NEDD4: variants seen among roughly 807,000 people sequenced by gnomAD.
NEDD4 encodes the protein E3 ubiquitin-protein ligase NEDD4.
In NEDD4, 99 loss-of-function variants were observed where a neutral mutation model predicts 144.9. The ratio of observed to expected loss-of-function variants is 0.68; its 90% CI spans 0.58 to 0.81. The LOEUF (loss-of-function observed/expected upper bound fraction) is 0.81. Ranked by LOEUF, NEDD4 falls within the 30% of genes least tolerant of loss-of-function variation. The pLI, the probability that NEDD4 is intolerant of heterozygous loss-of-function variation, is 0.00. For missense variants in NEDD4, 985 were observed against 1,065.9 expected, an observed-to-expected ratio of 0.92 and a Z score of 1.06; for synonymous variants, 318 against 350.6, an observed-to-expected ratio of 0.91 and a Z score of 1.04.
At chr15:55,984,947 T>C (rs1429919050) in intron 1 of NEDD4, among the ~76,000 whole-genome samples, 8 of 152,212 alleles carry the variant, frequency 5.3e-5, no homozygotes, top group African/African-American at 1.9e-4. Flanking sequence ...TGAGAAGCAA[T>C]TGTGTTCAAC....
chr15:55,840,336 TTGAAA>T, intron 21 of NEDD4, 106 bp downstream of exon 21: 1 of 953,442 alleles, frequency 1.0e-6, no homozygotes, highest in Non-Finnish European at 1.5e-6. Context: ...CATTTGTATT[TTGAAA>T]CATGATAATA....
chr15:55,866,517 T>A (rs1255777128), intron 8 of NEDD4, among the ~76,000 whole-genome samples: 1 of 152,208 alleles, frequency 6.6e-6, no homozygotes, highest in Non-Finnish European at 1.5e-5. Flanking sequence ...TTAACATTTT[T>A]TGGTTGAATA....
intron 4 of NEDD4, among the ~76,000 whole-genome samples, chr15:55,949,123 A>G (rs2037181320): frequency 6.6e-6 from 1 of 152,154 alleles, no homozygotes; most frequent in Non-Finnish European, 1.5e-5. Flanking sequence ...AAACAACCCC[A>G]TCAAGAAGCG....
At chr15:55,992,278 T>C (rs529039147) in intron 1 of NEDD4, among the ~76,000 whole-genome samples, 2 of 152,348 alleles carry the variant, frequency 1.3e-5, no homozygotes, top group African/African-American at 4.8e-5. Context: ...TTATTTCTCT[T>C]CTGGCAGCAA....
intron 8 of NEDD4, among the ~76,000 whole-genome samples, chr15:55,865,206 A>G (rs1235861620): frequency 1.3e-5 from 2 of 151,498 alleles, no homozygotes; most frequent in Non-Finnish European, 2.9e-5. Flanking sequence ...TCAAAAAAAA[A>G]AAAAAAAAAA....
At chr15:55,894,340 T>C (rs2035671465) in intron 5 of NEDD4, among the ~76,000 whole-genome samples, 1 of 152,226 alleles carries the variant, frequency 6.6e-6, no homozygotes, top group Admixed American at 6.5e-5. Context: ...AATCTAGAGA[T>C]GACAAAATTT....
chr15:55,981,624 C>T (rs994483351), intron 1 of NEDD4, among the ~76,000 whole-genome samples: 6 of 152,086 alleles, frequency 3.9e-5, no homozygotes, highest in Non-Finnish European at 5.9e-5. Context: ...CAGTAATAAC[C>T]ATAATAAAGA....
At chr15:55,949,169 C>A (rs9744758) in intron 4 of NEDD4, among the ~76,000 whole-genome samples, 20,476 of 152,086 alleles carry the variant, frequency 0.13, 1,498 homozygotes, top group East Asian at 0.32. Context: ...TCAAAAGAAG[C>A]CATTTATGCA....
At chr15:55,957,210 G>C (rs2037352176) in intron 2 of NEDD4, among the ~76,000 whole-genome samples, 1 of 151,962 alleles carries the variant, frequency 6.6e-6, no homozygotes, top group Non-Finnish European at 1.5e-5. Flanking sequence ...AGATTCCTTG[G>C]GGCTTTCTAC....
At chr15:55,905,646 G>C (rs992581373) in intron 5 of NEDD4, among the ~76,000 whole-genome samples, 63 of 152,282 alleles carry the variant, frequency 4.1e-4, no homozygotes, top group African/African-American at 1.5e-3. Flanking sequence ...TAGGACGTTA[G>C]GACTAGGAAA....
intron 2 of NEDD4, among the ~76,000 whole-genome samples, chr15:55,962,224 A>G (rs117892826): frequency 0.026 from 3,911 of 152,282 alleles, 67 homozygotes; most frequent in Non-Finnish European, 0.039. Flanking sequence ...TTTGCATGGC[A>G]TATCTTTTTG....
chr15:55,978,222 C>T (rs2037737516), intron 1 of NEDD4, among the ~76,000 whole-genome samples: 1 of 152,154 alleles, frequency 6.6e-6, no homozygotes, highest in African/African-American at 2.4e-5. Flanking sequence ...ATAAATAACA[C>T]AGCTATCCCA....
At chr15:55,918,668 G>T (rs1353919504) in intron 5 of NEDD4, among the ~76,000 whole-genome samples, 1 of 151,786 alleles carries the variant, frequency 6.6e-6, no homozygotes, top group African/African-American at 2.4e-5. Context: ...ACACAAAACA[G>T]AATTATGGGA....
intron 5 of NEDD4, among the ~76,000 whole-genome samples, chr15:55,902,600 C>T (rs2035946091): frequency 6.6e-6 from 1 of 152,090 alleles, no homozygotes; most frequent in Non-Finnish European, 1.5e-5. Flanking sequence ...CTGCAATATT[C>T]TTTCTACTTT....
rs150058800 is a variant in NEDD4, at chr15:55,956,430, T to A, written c.120-4841A>T. On this transcript the variant is annotated intron_variant, in intron 2 of 28. Transcript: ENST00000435532. The stretch of plus-strand genomic sequence containing the variant: ...TTCCTATGTGTTCCTATAGAAGTTT[T>A]ATCATTTTAGCTCATACTAATTTTC... Among the ~76,000 whole-genome samples the A allele has an allele frequency of 5.2e-3, 792 of 152,316 alleles. 7 individuals are homozygous for A. The highest frequency in any genetic ancestry group is 0.018 in the African/African-American group (757 of 41,558).
At chr15:55,883,896 T>TC (rs1298678066) in intron 5 of NEDD4, among the ~76,000 whole-genome samples, 1 of 151,298 alleles carries the variant, frequency 6.6e-6, no homozygotes, top group East Asian at 1.9e-4. Context: ...TTTTTTTTTT[T>TC]TGAGACAGAG....
At chr15:55,879,233 C>G (rs2035099356) in intron 5 of NEDD4, among the ~76,000 whole-genome samples, 1 of 152,150 alleles carries the variant, frequency 6.6e-6, no homozygotes, top group African/African-American at 2.4e-5. Context: ...TAGATGACAG[C>G]AGAGAGATAA....
intron 1 of NEDD4, among the ~76,000 whole-genome samples, chr15:55,985,787 A>G (rs1026608424): frequency 6.6e-6 from 1 of 150,760 alleles, no homozygotes; most frequent in Non-Finnish European, 1.5e-5. Context: ...ACACACACAC[A>G]CGCTTAACTG....
intron 2 of NEDD4, among the ~76,000 whole-genome samples, chr15:55,963,317 T>C (rs892725397): frequency 3.3e-5 from 5 of 151,256 alleles, no homozygotes; most frequent in African/African-American, 1.2e-4. Context: ...CTTTTTCTAG[T>C]GACAGGGTCC....
Sources: gnomAD v4.1 joint callset for allele counts (sites outside exome capture counted in the v4.1 genomes callset) on GRCh38, gnomAD v4.1.1 for gene constraint, MANE v1.5 for transcripts, NCBI Gene and HGNC (gene_info 2026-07-23, HGNC 2026-07-21) for gene names.